Variants in AURKB observed in about 807,000 individuals in gnomAD.
AURKB encodes the protein aurora kinase B.
A neutral mutation model predicts 36.5 loss-of-function variants in AURKB; 28 were observed. The ratio of observed to expected loss-of-function variants is 0.77; its 90% CI spans 0.57 to 1.05. The LOEUF (loss-of-function observed/expected upper bound fraction) is 1.05, where lower values mean the gene tolerates loss of function less well. Among genes scored for constraint, AURKB ranks in the 50% least tolerant of loss-of-function variants. The pLI is 0.00. For missense variants in AURKB, 383 were observed against 447.4 expected (o/e 0.86, Z 1.30); for synonymous variants, 175 against 172.9 (o/e 1.01, Z -0.09).
Position 8,207,757 on chromosome 17 carries a change from G to A in AURKB, c.132C>T (p.Arg44=). The A allele has an allele frequency of 6.2e-7, 1 of 1,614,146 alleles. No individual in the cohort carries two copies. The highest frequency in any genetic ancestry group is 1.7e-5 in the Admixed American group (1 of 60,016). The part of the protein sequence containing the change: ...VTPSALVLMS[R]SNVQPTAAPG... ...AGTTACCTGTGGGCTGGACATTGGAGCGGCTCATGAGGACAAGTGCAGATG... is the reference window on the plus strand; with the variant it reads ...AGTTACCTGTGGGCTGGACATTGGAACGGCTCATGAGGACAAGTGCAGATG... The change falls in exon 3 of 9, where the codon CGC becomes CGT. Residue 44 remains arginine (R), a synonymous_variant. Coordinates refer to ENST00000585124, the MANE Select transcript of AURKB (RefSeq NM_004217.4).
chr17:8,208,632 A>ATAAATAAATAAT (rs1555529387), intron 2 of AURKB, among the ~76,000 whole-genome samples: 54 of 137,992 alleles, frequency 3.9e-4, no homozygotes, highest in Non-Finnish European at 5.5e-4. Flanking sequence ...AAATAAATAA[A>ATAAATAAATAAT]AAATAAATAA....
At position 8,207,723 on chromosome 17, in the gene AURKB, C is replaced by G; in HGVS notation, c.151+15G>C. The G allele has an allele frequency of 6.2e-7, 1 of 1,614,054 alleles. No homozygotes were observed. The highest frequency in any genetic ancestry group is 1.1e-5 in the South Asian group (1 of 91,082). On this transcript the variant is annotated intron_variant, in intron 3 of 8. Transcript: ENST00000585124. ...CATCTCCCCAGCTCAGTCCTCTCCC[C>G]CTTGCGCCAGTTACCTGTGGGCTGG...
chr17:8,208,672 G>A (rs1195149291), intron 2 of AURKB, among the ~76,000 whole-genome samples: 2 of 151,562 alleles, frequency 1.3e-5, no homozygotes, highest in Non-Finnish European at 3.0e-5. Flanking sequence ...AGGGGCAAAG[G>A]ACTCACACCA....
chr17:8,206,702 T>A lies in AURKB; in HGVS notation c.537+48A>T, dbSNP rs752034208. ...ACCTCCAGCTACAAGCAGCACACCC[T>A]CAGCCTCGAGCCCCCTACTGGCGCC... On this transcript the variant is annotated intron_variant, in intron 6 of 8. Transcript: ENST00000585124. This position sits in a 1 kb window ranked among gnomAD's most constrained non-coding sequence, Gnocchi z 4.2. 6 of 1,613,024 alleles carry A rather than the reference T, an allele frequency of 3.7e-6. No homozygotes were observed. The Middle Eastern group carries it at 5.0e-4, about 133-fold the overall frequency.
intron 2 of AURKB, among the ~76,000 whole-genome samples, chr17:8,208,998 A>G (rs986589888): frequency 6.6e-6 from 1 of 150,904 alleles, no homozygotes; most frequent in African/African-American, 2.4e-5. Context: ...ATGGCCCTGG[A>G]CCACTTCTCA....
In AURKB at chr17:8,206,742, G is replaced by T. The variant is rs771962527; in HGVS notation, c.537+8C>A. The T allele has an allele frequency of 1.2e-6, 2 of 1,613,106 alleles. No homozygotes were observed. On this transcript the variant is annotated splice_region_variant and intron_variant, in intron 6 of 8. Transcript: ENST00000585124. The surrounding 1 kb of genome is among the most constrained non-coding windows in gnomAD (Gnocchi z 4.2). ...CTACTGGCGCCCCAGGTGCCCACCC[G>T]CCCGGACCGTGGCTGTTCGCTGCTC...
rs200260867 is a variant in AURKB, at chr17:8,210,137, C to T, written c.48+40G>A. 2.3e-3 allele frequency: 3,684 copies of T among 1,610,194 alleles called. 6 individuals carry two copies. The highest frequency in any genetic ancestry group is 4.2e-3 in the Middle Eastern group (25 of 5,920). On this transcript the variant is annotated intron_variant, in intron 2 of 8. Coordinates refer to ENST00000585124, the MANE Select transcript of AURKB (RefSeq NM_004217.4). ...AGTTTCCCAGCAGGAACTCGCCATG[C>T]GGGGTCATGGGGGCGCAGGGACGGA...
intron 1 of AURKB, 72 bp downstream of exon 1, chr17:8,210,458 C>T (rs1985953567): frequency 1.8e-6 from 1 of 557,102 alleles, no homozygotes; most frequent in African/African-American, 2.0e-5. Context: ...CAGGCCAGCC[C>T]AACGGACCCT....
In AURKB at chr17:8,206,009, T is replaced by C. The variant is rs892080297; in HGVS notation, c.686+482A>G. Among the ~76,000 whole-genome samples, 3 of 152,168 alleles carry C rather than the reference T, an allele frequency of 2.0e-5. No homozygotes were observed. Among genetic ancestry groups the C allele is most frequent in the Admixed American group, 6.6e-5 (1 of 15,266 alleles). On this transcript the variant is annotated intron_variant, in intron 7 of 8. Coordinates refer to ENST00000585124, the MANE Select transcript of AURKB (RefSeq NM_004217.4). This position sits in a 1 kb window ranked among gnomAD's most constrained non-coding sequence, Gnocchi z 4.2. ...CCTGGCCTCAAGTGATCCACCCGCC[T>C]TGGCCTCCCAAAGTGCTGGGACTGG...
chr17:8,207,910 AGTATTT>A, intron 2 of AURKB, 70 bp from the exon 3 acceptor site: 1 of 1,301,764 alleles, frequency 7.7e-7, no homozygotes, highest in Non-Finnish European at 1.1e-6. Flanking sequence ...TGCTGCAAGC[AGTATTT>A]CAGCCCCTTG....
intron 7 of AURKB, among the ~76,000 whole-genome samples, chr17:8,205,633 G>T (rs1177047228): frequency 1.3e-5 from 2 of 152,192 alleles, no homozygotes; most frequent in Admixed American, 1.3e-4. Context: ...ACCCTGATAT[G>T]AGGGCAGTGT....
chr17:8,205,620 G>C (rs1158286558), intron 7 of AURKB, among the ~76,000 whole-genome samples: 1 of 152,180 alleles, frequency 6.6e-6, no homozygotes, highest in African/African-American at 2.4e-5. Flanking sequence ...ATCTTAATAA[G>C]ATACCCTGAT....
rs916933050 is a variant in AURKB at position 8,206,131 on chromosome 17, T to A, written c.686+360A>T. Among the ~76,000 whole-genome samples, 1 of 108,760 alleles carries A rather than the reference T, an allele frequency of 9.2e-6. No homozygotes were observed. The highest frequency in any genetic ancestry group is 8.5e-5 in the Admixed American group (1 of 11,770). The allele number at this position is 108,760 out of a possible 152,430, so 71.4% of individuals were successfully genotyped here. On this transcript the variant is annotated intron_variant, in intron 7 of 8. Transcript: ENST00000585124. The surrounding 1 kb of genome is among the most constrained non-coding windows in gnomAD (Gnocchi z 4.2). ...GGTTATTAGCACCACACTCTAACCA[T>A]TTTTTTTTTTTTTTTTTGAGACAGA... is the stretch of plus-strand genomic sequence containing the variant.
At position 8,205,118 on chromosome 17, in the gene AURKB, T is replaced by C. The variant is rs1985052559; in HGVS notation, c.862-74A>G. On this transcript the variant is annotated intron_variant, in intron 8 of 8. Transcript: ENST00000585124. ...CATCTTCCTTGACTACCCATTCTGT[T>C]TGGAGTTACTTAGGGCCATGCAAAT... The C allele has an allele frequency of 3.2e-6, 5 of 1,543,088 alleles. No individual in the cohort carries two copies. In the Admixed American group the frequency reaches 6.1e-5, roughly 19 times the overall value.
chr17:8,207,874 C>CTT (rs1567575013), intron 2 of AURKB, 34 bp from the exon 3 acceptor site: 1 of 1,556,608 alleles, frequency 6.4e-7, no homozygotes, highest in Admixed American at 2.0e-5. Flanking sequence ...CTGAGGGTGC[C>CTT]TTTGTCTGAT....
intron 1 of AURKB, 103 bp from the exon 2 acceptor site, chr17:8,210,352 G>C (rs1186502041): frequency 1.1e-6 from 1 of 876,934 alleles, no homozygotes; most frequent in Non-Finnish European, 1.8e-6. Flanking sequence ...CTGGTAAAAG[G>C]GAGCAGGTCA....
chr17:8,210,137 C>A lies in AURKB; in HGVS notation c.48+40G>T, dbSNP rs200260867. The A allele has an allele frequency of 3.1e-6, 5 of 1,610,098 alleles. No homozygotes were observed. The African/African-American group carries it at 5.3e-5, about 17-fold the overall frequency. On this transcript the variant is annotated intron_variant, in intron 2 of 8. Transcript: ENST00000585124. ...AGTTTCCCAGCAGGAACTCGCCATG[C>A]GGGGTCATGGGGGCGCAGGGACGGA...
Position 8,204,829 on chromosome 17 carries a change from C to T in AURKB, c.*42G>A, listed in dbSNP as rs1366833736. ...ATCCCTTCTTTCCCCTATACATACA[C>T]AGACATACAAACACACGCACCCGAG... On this transcript the variant is annotated 3_prime_UTR_variant, in exon 9 of 9. Transcript: ENST00000585124. 2 of 1,606,466 alleles carry T rather than the reference C, an allele frequency of 1.2e-6. No homozygotes were observed. The highest frequency in any genetic ancestry group is 1.7e-6 in the Non-Finnish European group (2 of 1,177,288).
Position 8,205,369 on chromosome 17 carries a change from G to C in AURKB, c.708C>G (p.Thr236=), listed in dbSNP as rs1314988377. The change falls in exon 8 of 9, where the codon ACC becomes ACG. Residue 236 remains threonine (T), a synonymous_variant. Transcript: ENST00000585124. ...TCATCTCTGGGGGCAGGTAGTCCAGGGTGCCACACATTGTCTTCCTCCTGG... is the reference window on the plus strand; with the variant it reads ...TCATCTCTGGGGGCAGGTAGTCCAGCGTGCCACACATTGTCTTCCTCCTGG... ...PSLRRKTMCG[T]LDYLPPEMIE... 2 of 1,614,150 alleles carry C rather than the reference G, an allele frequency of 1.2e-6. No individual in the cohort carries two copies. The highest frequency in any genetic ancestry group is 1.7e-6 in the Non-Finnish European group (2 of 1,180,010).
Sources: allele counts gnomAD v4.1 joint callset (sites outside exome capture counted in the v4.1 genomes callset), GRCh38; gene constraint gnomAD v4.1.1; non-coding constraint Gnocchi (gnomAD v3.1); transcripts MANE v1.5; gene names NCBI Gene and HGNC (gene_info 2026-07-23, HGNC 2026-07-21).